ERCC6: variants seen among roughly 807,000 people sequenced by gnomAD.
ERCC6 encodes the protein ERCC excision repair 6, chromatin remodeling factor.
A neutral mutation model predicts 158.7 loss-of-function variants in ERCC6; 116 were observed. The observed-to-expected ratio is 0.73, with a 90% confidence interval of 0.63 to 0.85. The LOEUF is 0.85. Among genes scored for constraint, ERCC6 ranks in the 40% least tolerant of loss-of-function variants. The pLI is 0.00. For missense variants in ERCC6, 1,698 were observed against 1,799.4 expected, an observed-to-expected ratio of 0.94 and a Z score of 1.02; for synonymous variants, 678 against 659.3, an observed-to-expected ratio of 1.03 and a Z score of -0.43.
chr10:49,484,375 A>G (rs1389766043), intron 8 of ERCC6, among the ~76,000 whole-genome samples: 2 of 152,190 alleles, frequency 1.3e-5, no homozygotes, highest in Non-Finnish European at 2.9e-5. Context: ...CATCTCCCAG[A>G]GTGTCAGGCA....
At chr10:49,516,335 A>G in intron 5 of ERCC6, 1 of 1,614,156 alleles carries the variant, frequency 6.2e-7, no homozygotes, top group East Asian at 2.2e-5. Context: ...CATTTGGAAC[A>G]AATTTCATGC....
chr10:49,466,643 CCAGA>C (rs1476849502), intron 18 of ERCC6, among the ~76,000 whole-genome samples: 1 of 152,158 alleles, frequency 6.6e-6, no homozygotes, highest in Non-Finnish European at 1.5e-5. Context: ...TACCCCATGC[CCAGA>C]CAACCAATCC....
intron 7 of ERCC6, among the ~76,000 whole-genome samples, chr10:49,493,466 T>C (rs527408313): frequency 5.1e-4 from 77 of 152,310 alleles, no homozygotes; most frequent in African/African-American, 1.8e-3. Flanking sequence ...TTAGTGGATG[T>C]AGGTGTTAAG....
chr10:49,530,180 C>T (rs1448899009), intron 3 of ERCC6, among the ~76,000 whole-genome samples: 1 of 152,118 alleles, frequency 6.6e-6, no homozygotes, highest in African/African-American at 2.4e-5. Flanking sequence ...AATGGTGATG[C>T]AGGAAAACTA....
intron 1 of ERCC6, among the ~76,000 whole-genome samples, chr10:49,534,164 A>C (rs61352664): frequency 0.025 from 3,790 of 150,768 alleles, 137 homozygotes; most frequent in African/African-American, 0.086. Flanking sequence ...ACAAAAAAAA[A>C]ACTCCATTTT....
Position 49,476,284 on chromosome 10 carries a change from C to T in ERCC6, c.2313G>A (p.Glu771=), listed in dbSNP as rs1182135800. 1 of 1,613,600 alleles carries T rather than the reference C, an allele frequency of 6.2e-7. No homozygotes were observed. The highest frequency in any genetic ancestry group is 8.5e-7 in the Non-Finnish European group (1 of 1,179,830). The change falls in exon 12 of 21, where the codon GAG becomes GAA. Residue 771 remains glutamate (E), a synonymous_variant. Coordinates refer to ENST00000355832, the MANE Select transcript of ERCC6 (RefSeq NM_000124.4). ...EQVLFCRLTD[E]QHKVYQNFVD... ...CGAAATTTTGGTAGACTTTATGCTGCTCATCTGTAAGACGGCAAAATAAGA... is the reference window on the plus strand; with the variant it reads ...CGAAATTTTGGTAGACTTTATGCTGTTCATCTGTAAGACGGCAAAATAAGA...
intron 1 of ERCC6, among the ~76,000 whole-genome samples, chr10:49,535,895 G>C (rs371085930): frequency 6.6e-6 from 1 of 152,132 alleles, no homozygotes; most frequent in African/African-American, 2.4e-5. Flanking sequence ...AGGCCAAGGC[G>C]GGTGGATCAC....
chr10:49,498,078 T>C (rs538765788), intron 7 of ERCC6, among the ~76,000 whole-genome samples: 23 of 152,326 alleles, frequency 1.5e-4, no homozygotes, highest in Admixed American at 5.9e-4. Flanking sequence ...GTGTATCCAT[T>C]ATGAAGGGGA....
At chr10:49,530,667 C>A in intron 3 of ERCC6, 53 bp downstream of exon 3, 1 of 1,601,868 alleles carries the variant, frequency 6.2e-7, no homozygotes. Flanking sequence ...AATTAAGTGC[C>A]CCTAAATGAT....
chr10:49,488,093 T>A (rs2086792014), intron 8 of ERCC6: 1 of 187,680 alleles, frequency 5.3e-6, no homozygotes, highest in Non-Finnish European at 1.2e-5. Context: ...TAAAAGCTTG[T>A]AAAATATGTA....
Position 49,474,226 on chromosome 10 carries a change from A to G in ERCC6, c.2399T>C (p.Ile800Thr), listed in dbSNP as rs369864700. 1.3e-4 allele frequency: 212 copies of G among 1,613,880 alleles called. No homozygotes were observed. The highest frequency in any genetic ancestry group is 1.7e-4 in the Non-Finnish European group (195 of 1,179,892). Residue 800 changes from isoleucine (I) to threonine (T), a missense_variant, in exon 13 of 21, where the codon ATA (isoleucine) becomes ACA (threonine). Coordinates refer to ENST00000355832, the MANE Select transcript of ERCC6 (RefSeq NM_000124.4). ...GTGGTTGCAAATTTTTCTTAGGGCT[A>G]TAAGTCCGGAGAAAATCTGTGGTAA... The part of the protein sequence containing the change: ...NGEMQIFSGL[I>T]ALRKICNHPD...
At chr10:49,473,719 T>A in intron 13 of ERCC6, 132 bp from the exon 14 acceptor site, 1 of 744,612 alleles carries the variant, frequency 1.3e-6, no homozygotes, top group Admixed American at 1.9e-5. Context: ...TTAGGACAGA[T>A]AAACAGAACT....
intron 18 of ERCC6, among the ~76,000 whole-genome samples, chr10:49,467,352 C>G (rs977854142): frequency 2.1e-4 from 32 of 152,222 alleles, no homozygotes; most frequent in Admixed American, 2.6e-4. Flanking sequence ...TGTATGAGAC[C>G]CAACTGCTTC....
At chr10:49,484,366 A>G (rs1215538461) in intron 8 of ERCC6, among the ~76,000 whole-genome samples, 1 of 152,148 alleles carries the variant, frequency 6.6e-6, no homozygotes, top group East Asian at 1.9e-4. Context: ...AGAACAAAAC[A>G]TCTCCCAGAG....
rs1238035020 is a variant in ERCC6, at chr10:49,472,961, GCCC to G, written c.2774_2776del (p.Gly925del). The G allele has an allele frequency of 6.2e-7, 1 of 1,614,092 alleles. No homozygotes were observed. Among genetic ancestry groups the G allele is most frequent in the South Asian group, 1.1e-5 (1 of 91,082 alleles). On this transcript the variant is annotated inframe_deletion, in exon 15 of 21. Transcript: ENST00000355832. Reference sequence around the variant, plus strand: ...TGGGTCATAGATGACAACTCTGTTTGCCCCCGTCAGGTTGACACCTAAGCCGCC... The same window carrying G: ...TGGGTCATAGATGACAACTCTGTTTGCCGTCAGGTTGACACCTAAGCCGCC...
chr10:49,449,186 A>G (rs1437322942), downstream of ERCC6, among the ~76,000 whole-genome samples: 1 of 152,176 alleles, frequency 6.6e-6, no homozygotes, highest in Non-Finnish European at 1.5e-5. Context: ...GTGTGAAGTG[A>G]TATCTCATTG....
At chr10:49,478,492 G>C (rs752574208) in intron 10 of ERCC6, 22 bp from the exon 11 acceptor site, 1 of 1,375,724 alleles carries the variant, frequency 7.3e-7, no homozygotes, top group Non-Finnish European at 1.0e-6. Flanking sequence ...GCAGAGAAGG[G>C]AACATTACTA....
rs1254086058 is a variant in ERCC6, at chr10:49,470,767, C to A, written c.3193G>T (p.Asp1065Tyr). The A allele has an allele frequency of 6.2e-7, 1 of 1,614,170 alleles. No homozygotes were observed. The highest frequency in any genetic ancestry group is 8.5e-7 in the Non-Finnish European group (1 of 1,180,022). ...GATTTCTCTTCAGATGATGTGGCATCATTTACAGATATGTTAGAAGCAGGG... is the reference window on the plus strand; with the variant it reads ...GATTTCTCTTCAGATGATGTGGCATAATTTACAGATATGTTAGAAGCAGGG... ...KFPASNISVN[D>Y]ATSSEEKSEA... is the part of the protein sequence containing the mutation. Residue 1065 changes from aspartate to tyrosine, a missense_variant, in exon 18 of 21, where the codon GAT (aspartate) becomes TAT (tyrosine). Physicochemically the swap from Asp to Tyr is radical, Grantham distance 160. Coordinates refer to ENST00000355832, the MANE Select transcript of ERCC6 (RefSeq NM_000124.4).
At chr10:49,480,257 G>C (rs1850954041) in intron 10 of ERCC6, among the ~76,000 whole-genome samples, 1 of 151,906 alleles carries the variant, frequency 6.6e-6, no homozygotes, top group African/African-American at 2.4e-5. Context: ...TCTGACACTG[G>C]GCATCTCCCC....
Sources: allele counts gnomAD v4.1 joint callset (sites outside exome capture counted in the v4.1 genomes callset), GRCh38; gene constraint gnomAD v4.1.1; transcripts MANE v1.5; gene names NCBI Gene and HGNC (gene_info 2026-07-23, HGNC 2026-07-21).